Variants in EVI5 observed in about 807,000 individuals in gnomAD.
EVI5 encodes ecotropic viral integration site 5 protein homolog.
EVI5 carries 73 observed loss-of-function variants against 112.0 expected under a neutral mutation model. The ratio of observed to expected loss-of-function variants is 0.65; its 90% CI spans 0.54 to 0.79. The LOEUF (loss-of-function observed/expected upper bound fraction) is 0.79, where lower values mean the gene tolerates loss of function less well. Among genes scored for constraint, EVI5 ranks in the 30% least tolerant of loss-of-function variants. EVI5 has a pLI of 0.00. For missense variants in EVI5, 900 were observed against 968.8 expected (o/e 0.93, Z 0.94); for synonymous variants, 305 against 319.9 (o/e 0.95, Z 0.50).
chr1:92,721,568 C>A (rs1035790972), intron 2 of EVI5, among the ~76,000 whole-genome samples: 1 of 152,116 alleles, frequency 6.6e-6, no homozygotes, highest in Non-Finnish European at 1.5e-5. Flanking sequence ...AGGAGAAATA[C>A]CTAATGTAAA....
chr1:92,534,090 T>C (rs1663376918), intron 19 of EVI5, among the ~76,000 whole-genome samples: 1 of 152,160 alleles, frequency 6.6e-6, no homozygotes, highest in Non-Finnish European at 1.5e-5. Flanking sequence ...AGTCTGAGGA[T>C]ACAAAATCAA....
intron 18 of EVI5, among the ~76,000 whole-genome samples, chr1:92,587,391 A>C (rs937412018): frequency 4.2e-4 from 1 of 2,386 alleles, no homozygotes; most frequent in African/African-American, 1.1e-3. Context: ...TCAGGGGCAA[A>C]AAAAAAAAAA....
At chr1:92,621,927 C>G (rs941976525) in intron 16 of EVI5, among the ~76,000 whole-genome samples, 2 of 152,030 alleles carry the variant, frequency 1.3e-5, no homozygotes. Context: ...TCAAGACTAG[C>G]CTGGCCAACA....
At chr1:92,550,144 A>G (rs1666543467) in intron 19 of EVI5, among the ~76,000 whole-genome samples, 1 of 152,190 alleles carries the variant, frequency 6.6e-6, no homozygotes, top group Non-Finnish European at 1.5e-5. Flanking sequence ...TGGCACATAT[A>G]TACCATGGAA....
chr1:92,689,194 A>G (rs893667015), intron 9 of EVI5, among the ~76,000 whole-genome samples: 33 of 152,224 alleles, frequency 2.2e-4, no homozygotes, highest in Admixed American at 7.2e-4. Flanking sequence ...TTAGACTACA[A>G]ATTAGTGTCA....
intron 13 of EVI5, among the ~76,000 whole-genome samples, chr1:92,651,273 C>G (rs1477912857): frequency 6.6e-6 from 1 of 152,106 alleles, no homozygotes; most frequent in Non-Finnish European, 1.5e-5. Context: ...ACAAATTGAA[C>G]CTGATATATT....
intron 1 of EVI5, among the ~76,000 whole-genome samples, chr1:92,738,131 A>T (rs182673869): frequency 1.3e-5 from 2 of 152,352 alleles, no homozygotes; most frequent in East Asian, 1.9e-4. Context: ...ACAGCTCATC[A>T]GGGCAAAAGG....
intron 13 of EVI5, among the ~76,000 whole-genome samples, chr1:92,637,542 A>T (rs10874726): frequency 0.61 from 93,170 of 152,040 alleles, 29,388 homozygotes; most frequent in East Asian, 0.92. Flanking sequence ...CGTCATTTTT[A>T]AGCCAGTGCC....
chr1:92,741,346 A>C (rs1678363898), intron 1 of EVI5, among the ~76,000 whole-genome samples: 1 of 152,218 alleles, frequency 6.6e-6, no homozygotes, highest in South Asian at 2.1e-4. Context: ...CACCAAAAGA[A>C]GGCAGAAACC....
intron 19 of EVI5, among the ~76,000 whole-genome samples, chr1:92,543,567 T>C (rs942530952): frequency 6.6e-6 from 1 of 152,208 alleles, no homozygotes; most frequent in African/African-American, 2.4e-5. Flanking sequence ...ACTCTTCCTT[T>C]GCAATCACAA....
chr1:92,656,540 C>T (rs1375692510), intron 13 of EVI5, among the ~76,000 whole-genome samples: 1 of 151,438 alleles, frequency 6.6e-6, no homozygotes, highest in Non-Finnish European at 1.5e-5. Context: ...AAGACCATAG[C>T]AGAACTAAAT....
chr1:92,688,130 A>T (rs1311329556), intron 9 of EVI5, among the ~76,000 whole-genome samples: 1 of 152,170 alleles, frequency 6.6e-6, no homozygotes, highest in Admixed American at 6.5e-5. Flanking sequence ...CTTGGAACCA[A>T]CCCAAATGTC....
At chr1:92,675,873 G>A (rs1572235499) in intron 10 of EVI5, among the ~76,000 whole-genome samples, 2 of 150,824 alleles carry the variant, frequency 1.3e-5, no homozygotes, top group African/African-American at 2.4e-5. Context: ...GGAGAATGGC[G>A]TGCACCTGGG....
chr1:92,703,186 T>C (rs892003200), intron 4 of EVI5, among the ~76,000 whole-genome samples: 2 of 152,104 alleles, frequency 1.3e-5, no homozygotes, highest in Non-Finnish European at 2.9e-5. Flanking sequence ...CATCAACTAA[T>C]GCTAAATAAC....
chr1:92,628,690 C>A (rs779349716), intron 14 of EVI5, among the ~76,000 whole-genome samples: 1 of 152,198 alleles, frequency 6.6e-6, no homozygotes. Context: ...GTAGGGAAAG[C>A]TCCCTAGATA....
At chr1:92,559,393 T>C (rs533944202) in intron 19 of EVI5, among the ~76,000 whole-genome samples, 1 of 152,276 alleles carries the variant, frequency 6.6e-6, no homozygotes, top group South Asian at 2.1e-4. Flanking sequence ...GCATTGTTTC[T>C]CAAAATAACC....
chr1:92,513,873 T>A lies in EVI5; in HGVS notation c.2264A>T (p.His755Leu), dbSNP rs1659441984. 6.2e-7 allele frequency: 1 copy of A among 1,613,368 alleles called. No individual in the cohort carries two copies. The highest frequency in any genetic ancestry group is 1.3e-5 in the African/African-American group (1 of 74,876). Residue 755 changes from histidine (H) to leucine (L), a missense_variant, in exon 20 of 20, where the codon CAT (histidine) becomes CTT (leucine). Physicochemically the swap from His to Leu is moderately conservative, Grantham distance 99 (BLOSUM62 -3). Coordinates refer to ENST00000684568, the MANE Select transcript of EVI5 (RefSeq NM_001350197.2). Reference protein sequence around the residue: ...NHLIGDDESFHSSDEDFIDNS... With the variant: ...NHLIGDDESFLSSDEDFIDNS... ...ATCTATAAAATCTTCATCGGAGGAA[T>A]GGAATGATTCATCATCTCCTATTAA...
At position 92,509,985 on chromosome 1, in the gene EVI5, T is replaced by G. The variant is rs202238202; in HGVS notation, c.*3671A>C. 6.6e-6 allele frequency: 1 copy of G among 152,214 alleles called. No individual in the cohort carries two copies. Among genetic ancestry groups the G allele is most frequent in the Non-Finnish European group, 1.5e-5 (1 of 68,040 alleles). The allele number at this position is 152,214 out of a possible 1,614,324, so 9.4% of individuals were successfully genotyped here. A position where few individuals can be genotyped will look rare whatever the true frequency, so the allele number is the denominator to read the frequency against. ...AAAGTCTTGAACAACATACTTACAT[T>G]AATTTGAATGAAAAGGAGTCAAACC... On this transcript the variant is annotated 3_prime_UTR_variant, in exon 20 of 20. Coordinates refer to ENST00000684568, the MANE Select transcript of EVI5 (RefSeq NM_001350197.2).
At chr1:92,612,997 G>A (rs1173571731) in intron 16 of EVI5, among the ~76,000 whole-genome samples, 1 of 152,184 alleles carries the variant, frequency 6.6e-6, no homozygotes, top group Non-Finnish European at 1.5e-5. Context: ...AAAGACTGGT[G>A]AGTCTTGAGA....
Sources: allele counts gnomAD v4.1 joint callset (sites outside exome capture counted in the v4.1 genomes callset), GRCh38; gene constraint gnomAD v4.1.1; transcripts MANE v1.5; gene names NCBI Gene and HGNC (gene_info 2026-07-23, HGNC 2026-07-21).